The following OLFM3 variants were observed in gnomAD, a reference collection of about 807,000 sequenced individuals.
OLFM3 encodes the protein noelin-3.
OLFM3 carries 20 observed loss-of-function variants against 48.6 expected under a neutral mutation model. The ratio of observed to expected loss-of-function variants is 0.41; its 90% CI spans 0.29 to 0.60. OLFM3 has a LOEUF of 0.60. Ranked by LOEUF, OLFM3 falls within the 20% of genes least tolerant of loss-of-function variation. The pLI is 0.28. For synonymous variants in OLFM3, 222 were observed against 198.1 expected, an observed-to-expected ratio of 1.12 and a Z score of -1.01; for missense variants, 437 against 544.3, an observed-to-expected ratio of 0.80 and a Z score of 1.96.
chr1:101,909,822 T>C (rs1187894786), intron 1 of OLFM3, among the ~76,000 whole-genome samples: 1 of 152,144 alleles, frequency 6.6e-6, no homozygotes, highest in African/African-American at 2.4e-5. Context: ...AAATAATTGC[T>C]TTTGGGGACA....
At chr1:101,828,080 C>CTCTCTCTCT (rs1557691497) in intron 3 of OLFM3, among the ~76,000 whole-genome samples, 2 of 149,306 alleles carry the variant, frequency 1.3e-5, no homozygotes, top group Non-Finnish European at 3.0e-5. Flanking sequence ...CTCTCTCTCT[C>CTCTCTCTCT]CTCCTGCCTT....
At chr1:101,898,395 T>C (rs1490637348) in intron 1 of OLFM3, among the ~76,000 whole-genome samples, 2 of 152,192 alleles carry the variant, frequency 1.3e-5, no homozygotes, top group African/African-American at 2.4e-5. Context: ...TACAGCTTTA[T>C]CGTGAAGTGT....
chr1:101,849,476 C>A (rs1339954082), intron 1 of OLFM3, among the ~76,000 whole-genome samples: 2 of 152,112 alleles, frequency 1.3e-5, no homozygotes, highest in African/African-American at 4.8e-5. Context: ...TCAGGGTCAC[C>A]CAAAAGTGTT....
intron 1 of OLFM3, among the ~76,000 whole-genome samples, chr1:101,986,985 C>T (rs897163536): frequency 1.3e-5 from 2 of 152,162 alleles, no homozygotes; most frequent in Non-Finnish European, 2.9e-5. Context: ...AATAGCTTTC[C>T]TCACTGTTTT....
At chr1:101,977,937 CAT>C (rs1266630716) in intron 1 of OLFM3, among the ~76,000 whole-genome samples, 4 of 152,032 alleles carry the variant, frequency 2.6e-5, no homozygotes, top group Non-Finnish European at 4.4e-5. Context: ...TTTCTCATAA[CAT>C]ATACTGGAAT....
At chr1:101,985,937 T>C (rs1465434487) in intron 1 of OLFM3, among the ~76,000 whole-genome samples, 1 of 150,872 alleles carries the variant, frequency 6.6e-6, no homozygotes, top group Non-Finnish European at 1.5e-5. Context: ...TGAGCAGAAG[T>C]AAAAAGAATG....
At chr1:101,961,889 G>A (rs1660477654) in intron 1 of OLFM3, among the ~76,000 whole-genome samples, 1 of 152,136 alleles carries the variant, frequency 6.6e-6, no homozygotes, top group Non-Finnish European at 1.5e-5. Context: ...AGAGAGTTCT[G>A]AGAAGATCTC....
chr1:101,989,862 C>T (rs1488293156), intron 1 of OLFM3, among the ~76,000 whole-genome samples: 1 of 152,132 alleles, frequency 6.6e-6, no homozygotes. Context: ...GACCCTCTGC[C>T]TTGATTGAGT....
chr1:101,888,136 T>C (rs1041786777), intron 1 of OLFM3, among the ~76,000 whole-genome samples: 2 of 152,106 alleles, frequency 1.3e-5, no homozygotes, highest in Non-Finnish European at 2.9e-5. Flanking sequence ...CTTCACAGAA[T>C]TGGAAAAAAC....
intron 5 of OLFM3, among the ~76,000 whole-genome samples, chr1:101,805,852 A>C (rs568053667): frequency 2.6e-5 from 4 of 151,910 alleles, no homozygotes; most frequent in African/African-American, 9.6e-5. Context: ...AATCAATAAA[A>C]ATTAGATTTG....
intron 1 of OLFM3, among the ~76,000 whole-genome samples, chr1:101,933,632 G>A (rs1041697400): frequency 6.6e-6 from 1 of 152,032 alleles, no homozygotes; most frequent in African/African-American, 2.4e-5. Context: ...AGGTGTTATA[G>A]AAGACAACCA....
intron 1 of OLFM3, among the ~76,000 whole-genome samples, chr1:101,878,975 T>C (rs1419165980): frequency 6.6e-6 from 1 of 151,810 alleles, no homozygotes; most frequent in Non-Finnish European, 1.5e-5. Context: ...TTTGGTAACA[T>C]ATTGACCACC....
At chr1:101,954,310 CA>C (rs1660226342) in intron 1 of OLFM3, among the ~76,000 whole-genome samples, 1 of 152,006 alleles carries the variant, frequency 6.6e-6, no homozygotes, top group Non-Finnish European at 1.5e-5. Flanking sequence ...GGATTTACTT[CA>C]AATTTACATG....
intron 1 of OLFM3, among the ~76,000 whole-genome samples, chr1:101,942,256 C>A (rs1659818128): frequency 6.6e-6 from 1 of 152,126 alleles, no homozygotes; most frequent in South Asian, 2.1e-4. Context: ...GAAACATATT[C>A]AGGGATATGC....
chr1:101,891,777 T>C lies in OLFM3; in HGVS notation c.70-54752A>G, dbSNP rs567873997. ...AAAGCTATCTACATTTAATATTCAC[T>C]ACTGATGTTTAAAATTTCAGGTTTA... is the stretch of plus-strand genomic sequence containing the variant. On this transcript the variant is annotated intron_variant, in intron 1 of 5. Transcript: ENST00000370103. 3.4e-4 allele frequency among the ~76,000 whole-genome samples: 52 copies of C among 152,148 alleles called. 1 individual carries two copies. In the South Asian group the frequency reaches 0.011, roughly 31 times the overall value.
At chr1:101,990,262 C>A (rs1386348343) in intron 1 of OLFM3, among the ~76,000 whole-genome samples, 1 of 152,084 alleles carries the variant, frequency 6.6e-6, no homozygotes, top group African/African-American at 2.4e-5. Context: ...TTTTGAGAAG[C>A]TATGCTGATA....
At chr1:101,815,669 T>A (rs934311644) in intron 4 of OLFM3, among the ~76,000 whole-genome samples, 4 of 152,060 alleles carry the variant, frequency 2.6e-5, no homozygotes, top group Admixed American at 2.6e-4. Flanking sequence ...CTAGACAGAT[T>A]GTAGTGTCAT....
intron 1 of OLFM3, among the ~76,000 whole-genome samples, chr1:101,900,111 A>G (rs1658342160): frequency 6.6e-6 from 1 of 152,206 alleles, no homozygotes; most frequent in Non-Finnish European, 1.5e-5. Flanking sequence ...GCCTGACATT[A>G]TATTAATAGT....
At chr1:101,916,269 G>A (rs1311440295) in intron 1 of OLFM3, among the ~76,000 whole-genome samples, 7 of 152,128 alleles carry the variant, frequency 4.6e-5, no homozygotes, top group Non-Finnish European at 4.4e-5. Context: ...AGGTGAGAAT[G>A]TAGTAGCCCA....
Sources: gnomAD v4.1 joint callset for allele counts (sites outside exome capture counted in the v4.1 genomes callset) on GRCh38, gnomAD v4.1.1 for gene constraint, MANE v1.5 for transcripts, NCBI Gene and HGNC (gene_info 2026-07-23, HGNC 2026-07-21) for gene names.